Variants in CNPY1 observed in about 807,000 individuals in gnomAD.
CNPY1 encodes the protein protein canopy homolog 1.
A neutral mutation model predicts 14.4 loss-of-function variants in CNPY1; 14 were observed. That is an observed-to-expected ratio of 0.97 (90% CI 0.64 to 1.52). CNPY1 has a LOEUF of 1.52. Among genes scored for constraint, CNPY1 ranks in the 40% most tolerant of loss-of-function variants. The pLI, the probability that CNPY1 is intolerant of heterozygous loss-of-function variation, is 0.00. For missense variants in CNPY1, 129 were observed against 131.5 expected (o/e 0.98, Z 0.09); for synonymous variants, 43 against 46.5 (o/e 0.92, Z 0.31).
intron 2 of CNPY1, among the ~76,000 whole-genome samples, chr7:155,515,302 C>CG (rs1282286260): frequency 7.1e-6 from 1 of 140,972 alleles, no homozygotes; most frequent in East Asian, 2.1e-4. Context: ...CCGCCCCCCC[C>CG]CCCCCCGGCC....
At chr7:155,504,229 CT>C (rs1455158473) in intron 4 of CNPY1, among the ~76,000 whole-genome samples, 1 of 152,114 alleles carries the variant, frequency 6.6e-6, no homozygotes, top group Non-Finnish European at 1.5e-5. Context: ...ATCCTATAAC[CT>C]TTCATGGATA....
Position 155,546,481 on chromosome 7 carries a change from T to G in CNPY1, c.-67A>C. The G allele has an allele frequency of 2.5e-6, 1 of 397,584 alleles. No homozygotes were observed. Among genetic ancestry groups the G allele is most frequent in the Non-Finnish European group, 4.4e-6 (1 of 225,894 alleles). 24.6% of individuals were successfully genotyped at this position (397,584 alleles called of 1,614,324 possible). A position where few individuals can be genotyped will look rare whatever the true frequency, so the allele number is the denominator to read the frequency against. On this transcript the variant is annotated 5_prime_UTR_variant, in exon 1 of 5. Coordinates refer to ENST00000636446, the MANE Select transcript of CNPY1 (RefSeq NM_001393663.1). ...AAGTATCAGCCACCATGTGCAGCCT[T>G]CAAATGTGCTTTCCTATTTATTCAT...
intron 2 of CNPY1, among the ~76,000 whole-genome samples, chr7:155,511,623 T>C (rs1057179642): frequency 7.2e-5 from 11 of 152,256 alleles, no homozygotes; most frequent in Non-Finnish European, 1.5e-4. Flanking sequence ...TCTACAATTT[T>C]GTCAGTCTAT....
At chr7:155,543,744 G>C (rs574626697) in intron 2 of CNPY1, among the ~76,000 whole-genome samples, 57 of 152,222 alleles carry the variant, frequency 3.7e-4, no homozygotes, top group Middle Eastern at 3.4e-3. Context: ...GCGCCTACAG[G>C]GTGCACCATG....
At position 155,503,968 on chromosome 7, in the gene CNPY1, C is replaced by A. The variant is rs1320904285; in HGVS notation, c.401-863G>T. The stretch of plus-strand genomic sequence containing the variant: ...CACTTTTCATCACGACCCTATAGCA[C>A]ATTAAGATTTTAATCATTTTGACTC... On this transcript the variant is annotated intron_variant, in intron 4 of 4. Transcript: ENST00000636446. Among the ~76,000 whole-genome samples the A allele has an allele frequency of 2.0e-5, 3 of 152,304 alleles. No homozygotes were observed. The East Asian group carries it at 5.8e-4, about 29-fold the overall frequency.
intron 2 of CNPY1, among the ~76,000 whole-genome samples, chr7:155,521,079 CAAGG>C (rs1383173730): frequency 8.6e-4 from 78 of 90,604 alleles, no homozygotes; most frequent in South Asian, 2.3e-3. Context: ...AGGAAGGAAG[CAAGG>C]AAGGAAGGAA....
At chr7:155,538,462 G>A (rs1445853235) in intron 2 of CNPY1, among the ~76,000 whole-genome samples, 1 of 152,142 alleles carries the variant, frequency 6.6e-6, no homozygotes, top group Non-Finnish European at 1.5e-5. Context: ...CAGATCTGGG[G>A]ACCATCCACC....
chr7:155,509,543 A>C (rs916278139), intron 2 of CNPY1, among the ~76,000 whole-genome samples: 6 of 151,508 alleles, frequency 4.0e-5, no homozygotes, highest in Admixed American at 6.6e-5. Flanking sequence ...GGAGGGAGAG[A>C]GAGCGAGAGA....
intron 2 of CNPY1, among the ~76,000 whole-genome samples, chr7:155,513,817 ACTTTC>A (rs1796568699): frequency 6.6e-6 from 1 of 152,188 alleles, no homozygotes; most frequent in Non-Finnish European, 1.5e-5. Context: ...TAAAAAACAC[ACTTTC>A]CTTTTATTAT....
intron 2 of CNPY1, among the ~76,000 whole-genome samples, chr7:155,509,326 A>G (rs866266226): frequency 1.3e-5 from 2 of 152,218 alleles, no homozygotes; most frequent in Non-Finnish European, 2.9e-5. Flanking sequence ...AAGTGCATAT[A>G]TTTCAAAGTG....
At chr7:155,527,060 T>TCTTTCTTTC (rs57894007) in intron 2 of CNPY1, among the ~76,000 whole-genome samples, 27 of 140,002 alleles carry the variant, frequency 1.9e-4, no homozygotes, top group Admixed American at 4.4e-4. Flanking sequence ...CTTTCTTTTT[T>TCTTTCTTTC]TTTTTTTTTT....
At chr7:155,527,993 G>A (rs1796860940) in intron 2 of CNPY1, among the ~76,000 whole-genome samples, 1 of 152,154 alleles carries the variant, frequency 6.6e-6, no homozygotes, top group Admixed American at 6.5e-5. Context: ...AAATAGATGG[G>A]CTTATTAGTG....
rs1392409495 is a variant in CNPY1 at position 155,501,961 on chromosome 7, A to C, written c.*1107T>G. On this transcript the variant is annotated 3_prime_UTR_variant, in exon 5 of 5. Transcript: ENST00000636446. ...TAAACACATAATGTGCTTTTTAAGC[A>C]ACTAAGTAACAATATGGCAAAGAGT... 1.4e-5 allele frequency: 2 copies of C among 139,806 alleles called. No homozygotes were observed. Among genetic ancestry groups the C allele is most frequent in the Non-Finnish European group, 3.1e-5 (2 of 65,562 alleles). The allele number at this position is 139,806 out of a possible 1,614,324, so 8.7% of individuals were successfully genotyped here.
At chr7:155,523,254 T>C (rs1048477080) in intron 2 of CNPY1, among the ~76,000 whole-genome samples, 4 of 152,192 alleles carry the variant, frequency 2.6e-5, no homozygotes, top group African/African-American at 9.7e-5. Flanking sequence ...TGCCAAATGG[T>C]CTGAACCCGC....
intron 2 of CNPY1, among the ~76,000 whole-genome samples, chr7:155,509,951 G>A (rs1305370485): frequency 6.6e-6 from 1 of 151,976 alleles, no homozygotes; most frequent in African/African-American, 2.4e-5. Flanking sequence ...CGGCGTCCCC[G>A]CGGCTCCTTC....
At chr7:155,540,205 G>T (rs1043567456) in intron 2 of CNPY1, among the ~76,000 whole-genome samples, 1 of 152,144 alleles carries the variant, frequency 6.6e-6, no homozygotes, top group Non-Finnish European at 1.5e-5. Flanking sequence ...TGCACTTGGG[G>T]GCTGGAGGAG....
At chr7:155,504,932 C>G (rs1796250575) in intron 4 of CNPY1, among the ~76,000 whole-genome samples, 1 of 152,214 alleles carries the variant, frequency 6.6e-6, no homozygotes, top group Non-Finnish European at 1.5e-5. Context: ...CTTCAGTTGT[C>G]TGAAACCATC....
At chr7:155,527,032 T>TTCTC (rs1376597235) in intron 2 of CNPY1, among the ~76,000 whole-genome samples, 1 of 44,748 alleles carries the variant, frequency 2.2e-5, no homozygotes, top group African/African-American at 9.6e-5. Flanking sequence ...CTTTTCTTTT[T>TTCTC]TCTTTCTTTC....
chr7:155,543,234 C>T (rs369555753), intron 2 of CNPY1, among the ~76,000 whole-genome samples: 2 of 152,206 alleles, frequency 1.3e-5, no homozygotes, highest in African/African-American at 2.4e-5. Flanking sequence ...TTCAAGACTC[C>T]TCCAGGCAGG....
Sources: gnomAD v4.1 joint callset for allele counts (sites outside exome capture counted in the v4.1 genomes callset) on GRCh38, gnomAD v4.1.1 for gene constraint, MANE v1.5 for transcripts, NCBI Gene and HGNC (gene_info 2026-07-23, HGNC 2026-07-21) for gene names.